The following SRPX variants were observed in gnomAD, a reference collection of about 807,000 sequenced individuals.
SRPX encodes sushi repeat-containing protein SRPX.
Under a neutral mutation model 38.1 loss-of-function variants are expected in SRPX, and 24 were observed. That is an observed-to-expected ratio of 0.63 (90% CI 0.46 to 0.89). The LOEUF is 0.89. SRPX is among the 40% of genes least tolerant of loss of function. The pLI is 0.00. For synonymous variants in SRPX, 184 were observed against 153.8 expected (o/e 1.20, Z -1.45); for missense variants, 416 against 377.8 (o/e 1.10, Z -0.84).
At chrX:38,206,619 G>T (rs911003295) in intron 1 of SRPX, among the ~76,000 whole-genome samples, 1 of 111,672 alleles carries the variant, frequency 9.0e-6, no homozygotes, top group African/African-American at 3.3e-5. Flanking sequence ...TCCCCCAAAA[G>T]CACACTCTAA....
chrX:38,161,656 C>T (rs1938266278), intron 5 of SRPX, among the ~76,000 whole-genome samples: 1 of 111,672 alleles, frequency 9.0e-6, no homozygotes, highest in Admixed American at 9.5e-5. Flanking sequence ...TGGTTCTAGG[C>T]ATTTTGCATA....
chrX:38,183,948 G>T (rs1225186508), intron 1 of SRPX, among the ~76,000 whole-genome samples: 1 of 111,454 alleles, frequency 9.0e-6, no homozygotes, highest in African/African-American at 3.3e-5. Flanking sequence ...GATTTTCAAA[G>T]AAATAGCCAC....
At chrX:38,196,514 C>A (rs1939002535) in intron 1 of SRPX, among the ~76,000 whole-genome samples, 1 of 112,439 alleles carries the variant, frequency 8.9e-6, no homozygotes, top group Admixed American at 9.4e-5. Context: ...TAACAGGTAA[C>A]CTCCTCTCAG....
chrX:38,160,896 G>C (rs777594668), intron 6 of SRPX, 37 bp downstream of exon 6: 2 of 1,197,284 alleles, frequency 1.7e-6, no homozygotes, highest in African/African-American at 3.5e-5. Flanking sequence ...CTCTTCTAAA[G>C]AGAGGGGGAA....
At chrX:38,189,965 C>T (rs760260638) in intron 1 of SRPX, among the ~76,000 whole-genome samples, 2 of 112,158 alleles carry the variant, frequency 1.8e-5, no homozygotes, top group Non-Finnish European at 3.8e-5. Context: ...AGACATCCAT[C>T]TCCCTCAGTG....
At chrX:38,164,674 A>G in intron 5 of SRPX, 95 bp downstream of exon 5, 1 of 999,247 alleles carries the variant, frequency 1.0e-6, no homozygotes, top group South Asian at 2.4e-5. Context: ...ATCTGAAAGC[A>G]TAAATAGACC....
At chrX:38,206,389 C>T (rs1939212913) in intron 1 of SRPX, among the ~76,000 whole-genome samples, 1 of 112,390 alleles carries the variant, frequency 8.9e-6, no homozygotes, top group African/African-American at 3.2e-5. Context: ...TGAGTAAATA[C>T]ATAGTTGTCA....
At chrX:38,158,766 G>A (rs900666333) in intron 7 of SRPX, among the ~76,000 whole-genome samples, 1 of 111,538 alleles carries the variant, frequency 9.0e-6, no homozygotes, top group African/African-American at 3.3e-5. Context: ...AGATCACGAG[G>A]TCAGGAGATC....
chrX:38,177,091 C>G (rs1327197560), intron 2 of SRPX, among the ~76,000 whole-genome samples: 1 of 111,021 alleles, frequency 9.0e-6, no homozygotes, highest in African/African-American at 3.3e-5. Context: ...GAAGGGTCAT[C>G]TGTGCATGCA....
At chrX:38,179,662 G>A (rs1304247248) in intron 1 of SRPX, among the ~76,000 whole-genome samples, 4 of 111,999 alleles carry the variant, frequency 3.6e-5, no homozygotes, top group Non-Finnish European at 5.6e-5. Context: ...AAGTGGAGAG[G>A]AGATGAGGGC....
At chrX:38,178,137 GTA>G (rs895240634) in intron 2 of SRPX, 146 bp downstream of exon 2, 20 of 358,874 alleles carry the variant, frequency 5.6e-5, no homozygotes, top group African/African-American at 5.2e-5. Flanking sequence ...AAAAAAGGGA[GTA>G]TATATATATA....
chrX:38,159,983 G>A (rs371649794), intron 7 of SRPX, 34 bp downstream of exon 7: 1 of 1,193,537 alleles, frequency 8.4e-7, no homozygotes, highest in South Asian at 1.8e-5. Context: ...GGGTTTACAG[G>A]TTCTGCTGCA....
At chrX:38,195,403 C>G (rs1399713579) in intron 1 of SRPX, among the ~76,000 whole-genome samples, 5 of 96,634 alleles carry the variant, frequency 5.2e-5, no homozygotes, top group Non-Finnish European at 1.0e-4. Context: ...TTTTTTTTTA[C>G]CATACCCATA....
At chrX:38,203,941 A>G (rs1939165244) in intron 1 of SRPX, among the ~76,000 whole-genome samples, 2 of 112,576 alleles carry the variant, frequency 1.8e-5, no homozygotes, top group Non-Finnish European at 3.8e-5. Flanking sequence ...TTGTATTTCT[A>G]TATACTTGCA....
chrX:38,185,306 C>G (rs1938753592), intron 1 of SRPX, among the ~76,000 whole-genome samples: 1 of 112,049 alleles, frequency 8.9e-6, no homozygotes, highest in Admixed American at 9.5e-5. Context: ...TGTGACAATA[C>G]TGCAGATTTG....
In SRPX at chrX:38,194,958, C is replaced by A. The variant is rs376970341; in HGVS notation, c.98-16614G>T. The stretch of plus-strand genomic sequence containing the variant: ...CGCGATCTTGGCTCACTGCAACATC[C>A]ACTTCCTCGGTTCAAGCAATTCTCC... On this transcript the variant is annotated intron_variant, in intron 1 of 9. Transcript: ENST00000378533. Among the ~76,000 whole-genome samples the A allele has an allele frequency of 5.0e-5, 5 of 100,222 alleles. No homozygotes were observed. In the South Asian group the frequency reaches 2.7e-3, roughly 54 times the overall value. The allele number at this position is 100,222 out of a possible 115,157, so 87.0% of individuals were successfully genotyped here.
At chrX:38,158,750 G>A (rs766989574) in intron 7 of SRPX, among the ~76,000 whole-genome samples, 1 of 111,785 alleles carries the variant, frequency 8.9e-6, no homozygotes, top group Admixed American at 9.5e-5. Context: ...GGAGGCCGAG[G>A]CGTGCAGATC....
intron 7 of SRPX, among the ~76,000 whole-genome samples, chrX:38,158,996 AAAC>A (rs1225313451): frequency 2.7e-5 from 3 of 111,326 alleles, no homozygotes; most frequent in African/African-American, 9.8e-5. Flanking sequence ...ACAAACAAAC[AAAC>A]AAATAAAAAA....
At position 38,213,211 on chromosome X, in the gene SRPX, G is replaced by A. The variant is rs190633888; in HGVS notation, c.97+7485C>T. On this transcript the variant is annotated intron_variant, in intron 1 of 9. Transcript: ENST00000378533. ...AGATTAGTGGTTGCCTAGGGATGGG[G>A]GATTAAGAAATGATGGCTAAGGTTT... Among the ~76,000 whole-genome samples the A allele has an allele frequency of 9.8e-5, 11 of 111,935 alleles. No individual in the cohort carries two copies. In the East Asian group the frequency reaches 3.1e-3, roughly 31 times the overall value.
Sources: gnomAD v4.1 joint callset for allele counts (sites outside exome capture counted in the v4.1 genomes callset) on GRCh38, gnomAD v4.1.1 for gene constraint, MANE v1.5 for transcripts, NCBI Gene and HGNC (gene_info 2026-07-23, HGNC 2026-07-21) for gene names.